The following ARL15 variants were observed in gnomAD, a reference collection of about 807,000 sequenced individuals.
ARL15 encodes ADP-ribosylation factor-like protein 15.
A neutral mutation model predicts 25.2 loss-of-function variants in ARL15; 19 were observed. The ratio of observed to expected loss-of-function variants is 0.75; its 90% CI spans 0.53 to 1.10. The LOEUF (loss-of-function observed/expected upper bound fraction) is 1.10. Among genes scored for constraint, ARL15 ranks in the 50% least tolerant of loss-of-function variants. ARL15 has a pLI of 0.00. For synonymous variants in ARL15, 94 were observed against 86.8 expected, an observed-to-expected ratio of 1.08 and a Z score of -0.46; for missense variants, 220 against 246.0, an observed-to-expected ratio of 0.89 and a Z score of 0.71.
At chr5:54,217,215 T>A (rs13184692) in intron 1 of ARL15, among the ~76,000 whole-genome samples, 12,221 of 123,490 alleles carry the variant, frequency 0.099, 749 homozygotes, top group Admixed American at 0.17. Flanking sequence ...TTTTTTTTTT[T>A]AAAAAGGGAG....
At chr5:54,303,823 C>T (rs1002198957) in intron 1 of ARL15, among the ~76,000 whole-genome samples, 4 of 151,940 alleles carry the variant, frequency 2.6e-5, no homozygotes, top group Non-Finnish European at 5.9e-5. Context: ...GAATGTGCCC[C>T]CAAAAGTGAC....
intron 3 of ARL15, among the ~76,000 whole-genome samples, chr5:54,148,330 C>T (rs80268559): frequency 0.014 from 2,136 of 152,200 alleles, 26 homozygotes; most frequent in Non-Finnish European, 0.022. Context: ...TCCAGGCAAA[C>T]AAAGAAACAG....
chr5:54,272,107 C>CTTTTTTTTTTTTTTTTT lies in ARL15; in HGVS notation c.48+38308_48+38324dup, dbSNP rs34592464. 8.2e-5 allele frequency among the ~76,000 whole-genome samples: 3 copies of CTTTTTTTTTTTTTTTTT among 36,790 alleles called. 1 individual carries two copies. The highest frequency in any genetic ancestry group is 1.1e-4 in the Non-Finnish European group (2 of 18,018). 24.1% of individuals were successfully genotyped at this position (36,790 alleles called of 152,430 possible). ...TATAGGTGTGTGCCACCACTCCTGG[C>CTTTTTTTTTTTTTTTTT]TTTTTTTTTTTTTTTTTTTTTTTTT... is the stretch of plus-strand genomic sequence containing the variant. On this transcript the variant is annotated intron_variant, in intron 1 of 4. Coordinates refer to ENST00000504924, the MANE Select transcript of ARL15 (RefSeq NM_019087.3).
At chr5:54,060,129 TAAAAAAAAAAAA>T (rs1165458695) in intron 4 of ARL15, among the ~76,000 whole-genome samples, 2 of 77,562 alleles carry the variant, frequency 2.6e-5, no homozygotes, top group Non-Finnish European at 5.1e-5. Context: ...ATCTGATGAC[TAAAAAAAAAAAA>T]AAAAAAAAAA....
chr5:54,086,619 C>T (rs968400077), intron 4 of ARL15, among the ~76,000 whole-genome samples: 2 of 151,888 alleles, frequency 1.3e-5, no homozygotes, highest in Non-Finnish European at 2.9e-5. Flanking sequence ...GAATATTAAC[C>T]CTTCCTCTAC....
At chr5:54,197,358 C>T (rs895577070) in intron 1 of ARL15, among the ~76,000 whole-genome samples, 2 of 152,084 alleles carry the variant, frequency 1.3e-5, no homozygotes, top group African/African-American at 4.8e-5. Flanking sequence ...TGTCTTAAGG[C>T]CACTGTCACA....
chr5:54,169,257 T>C (rs1310548710), intron 2 of ARL15, among the ~76,000 whole-genome samples: 1 of 152,200 alleles, frequency 6.6e-6, no homozygotes, highest in Non-Finnish European at 1.5e-5. Flanking sequence ...AAAGCATACT[T>C]TGTGTTACTC....
At chr5:54,000,593 C>T (rs1333936048) in intron 4 of ARL15, among the ~76,000 whole-genome samples, 7 of 152,260 alleles carry the variant, frequency 4.6e-5, no homozygotes, top group Admixed American at 3.9e-4. Flanking sequence ...TAACAAATGA[C>T]CCAGCCTGTC....
At position 54,212,551 on chromosome 5, in the gene ARL15, T is replaced by C. The variant is rs80021904; in HGVS notation, c.49-40623A>G. 9.0e-3 allele frequency among the ~76,000 whole-genome samples: 1,365 copies of C among 152,306 alleles called. 57 individuals are homozygous for C. Among genetic ancestry groups the C allele is most frequent in the Admixed American group, 0.064 (983 of 15,290 alleles). Reference sequence around the variant, plus strand: ...GAGTCTAAGTGGCTTAGACCAATCATGGTTCATTCATTGCCTGGGGCTAGA... The same window carrying C: ...GAGTCTAAGTGGCTTAGACCAATCACGGTTCATTCATTGCCTGGGGCTAGA... On this transcript the variant is annotated intron_variant, in intron 1 of 4. Transcript: ENST00000504924.
intron 4 of ARL15, among the ~76,000 whole-genome samples, chr5:54,025,678 TTTGTTTC>T (rs1471698167): frequency 1.3e-5 from 2 of 150,376 alleles, no homozygotes; most frequent in Non-Finnish European, 3.0e-5. Flanking sequence ...TGTTTGTTTG[TTTGTTTC>T]GGTAATTACA....
At chr5:54,229,313 T>C (rs1756604742) in intron 1 of ARL15, among the ~76,000 whole-genome samples, 2 of 152,212 alleles carry the variant, frequency 1.3e-5, no homozygotes, top group Admixed American at 6.5e-5. Context: ...AGTTACAACA[T>C]GCACCTTGAG....
At chr5:53,913,156 A>G (rs1745520820) in intron 4 of ARL15, among the ~76,000 whole-genome samples, 1 of 152,170 alleles carries the variant, frequency 6.6e-6, no homozygotes, top group Non-Finnish European at 1.5e-5. Flanking sequence ...TTTAAAAATT[A>G]GCCAGGCATG....
In ARL15 at chr5:54,092,073, C is replaced by CACACACACACACACA. The variant is rs143647206; in HGVS notation, c.462+21128_462+21129insTGTGTGTGTGTGTGT. Among the ~76,000 whole-genome samples, 701 of 149,766 alleles carry CACACACACACACACA rather than the reference C, an allele frequency of 4.7e-3. 2 individuals are homozygous for CACACACACACACACA. The highest frequency in any genetic ancestry group is 0.014 in the Middle Eastern group (4 of 290). ...ACACACACACACACACACACACACA[C>CACACACACACACACA]CACCACCACCACCACCATCACCAGG... On this transcript the variant is annotated intron_variant, in intron 4 of 4. Coordinates refer to ENST00000504924, the MANE Select transcript of ARL15 (RefSeq NM_019087.3).
intron 4 of ARL15, among the ~76,000 whole-genome samples, chr5:53,978,603 C>G (rs1748017237): frequency 8.3e-6 from 1 of 120,390 alleles, no homozygotes. Context: ...CTGAGCAACA[C>G]AGGGAGACCC....
chr5:53,925,993 CTTTCTTTTT>C (rs1216293000), intron 4 of ARL15, among the ~76,000 whole-genome samples: 1 of 90,756 alleles, frequency 1.1e-5, no homozygotes, highest in African/African-American at 4.4e-5. Flanking sequence ...AGTCTTTTTT[CTTTCTTTTT>C]TTTTTTTTTT....
chr5:54,154,262 A>G (rs1754153782), intron 3 of ARL15: 2 of 208,772 alleles, frequency 9.6e-6, no homozygotes, highest in Non-Finnish European at 1.9e-5. Context: ...TTGATCTTTC[A>G]ATGATATTAA....
chr5:54,087,314 C>T (rs1024209643), intron 4 of ARL15, among the ~76,000 whole-genome samples: 1 of 151,654 alleles, frequency 6.6e-6, no homozygotes, highest in Admixed American at 6.6e-5. Flanking sequence ...GGCGACAGAG[C>T]GAGGCTCCAT....
At chr5:54,166,176 GTTTC>G (rs1754558315) in intron 2 of ARL15, among the ~76,000 whole-genome samples, 3 of 151,958 alleles carry the variant, frequency 2.0e-5, no homozygotes, top group South Asian at 2.1e-4. Context: ...TTATATTCAC[GTTTC>G]TTTCTCTCTC....
chr5:54,275,136 C>T (rs1435870238), intron 1 of ARL15, among the ~76,000 whole-genome samples: 2 of 152,182 alleles, frequency 1.3e-5, no homozygotes, highest in African/African-American at 2.4e-5. Flanking sequence ...ACCAGTCTTG[C>T]TGCCACACTA....
Sources: allele counts gnomAD v4.1 joint callset (sites outside exome capture counted in the v4.1 genomes callset), GRCh38; gene constraint gnomAD v4.1.1; transcripts MANE v1.5; gene names NCBI Gene and HGNC (gene_info 2026-07-23, HGNC 2026-07-21).